The following SEMA3A variants were observed in gnomAD, a reference collection of about 807,000 sequenced individuals.
SEMA3A encodes the protein semaphorin-3A.
A neutral mutation model predicts 97.9 loss-of-function variants in SEMA3A; 29 were observed. The observed-to-expected ratio is 0.30, with a 90% CI of 0.22 to 0.40. The LOEUF (loss-of-function observed/expected upper bound fraction) is 0.40, where lower values mean the gene tolerates loss of function less well. SEMA3A is among the 10% of genes least tolerant of loss of function. The pLI, the probability that SEMA3A is intolerant of heterozygous loss-of-function variation, is 1.00. For synonymous variants in SEMA3A, 321 were observed against 323.7 expected (o/e 0.99, Z 0.09); for missense variants, 763 against 951.3 (o/e 0.80, Z 2.60).
chr7:83,961,810 T>A lies in SEMA3A; in HGVS notation c.1877A>T (p.His626Leu), dbSNP rs752800188. ...AAGGCCTTGATCTGTCCTGATGATATGATCATCCACTCTGATCTAGCAGGT... is the reference window on the plus strand; with the variant it reads ...AAGGCCTTGATCTGTCCTGATGATAAGATCATCCACTCTGATCTAGCAGGT... Reference protein sequence around the residue: ...ERKEEIRVDDHIIRTDQGLLL... With the variant: ...ERKEEIRVDDLIIRTDQGLLL... The change falls in exon 17 of 17, where the codon CAT becomes CTT. Residue 626 changes from histidine (H) to leucine (L), a missense_variant. Physicochemically the swap from His to Leu is moderately conservative, Grantham distance 99 (BLOSUM62 -3). Coordinates refer to ENST00000265362, the MANE Select transcript of SEMA3A (RefSeq NM_006080.3). 4 of 1,611,740 alleles carry A rather than the reference T, an allele frequency of 2.5e-6. No homozygotes were observed. The highest frequency in any genetic ancestry group is 3.4e-6 in the Non-Finnish European group (4 of 1,178,046).
At chr7:84,265,532 T>G (rs1799971658) in intron 3 of SEMA3A, among the ~76,000 whole-genome samples, 1 of 147,630 alleles carries the variant, frequency 6.8e-6, no homozygotes, top group African/African-American at 2.5e-5. Flanking sequence ...ATTTTATATA[T>G]TATATATTTT....
chr7:84,278,780 A>G (rs574535402), intron 3 of SEMA3A, among the ~76,000 whole-genome samples: 1 of 152,216 alleles, frequency 6.6e-6, no homozygotes, highest in East Asian at 1.9e-4. Context: ...GGATGGTGCC[A>G]AACCATTCAT....
intron 1 of SEMA3A, among the ~76,000 whole-genome samples, chr7:84,144,154 A>T (rs946083446): frequency 3.3e-5 from 5 of 151,786 alleles, no homozygotes; most frequent in Non-Finnish European, 5.9e-5. Context: ...AGATATGAAA[A>T]AATAATAATA....
chr7:84,228,133 T>C (rs1320761252), intron 3 of SEMA3A, among the ~76,000 whole-genome samples: 1 of 151,922 alleles, frequency 6.6e-6, no homozygotes, highest in East Asian at 1.9e-4. Flanking sequence ...AAATGGGTGA[T>C]GAAGCCAGAG....
chr7:84,094,850 C>T (rs1794708121), intron 4 of SEMA3A, among the ~76,000 whole-genome samples: 1 of 151,914 alleles, frequency 6.6e-6, no homozygotes, highest in Admixed American at 6.6e-5. Flanking sequence ...GTATATAGAA[C>T]TGATCCACTT....
At chr7:84,151,822 G>C (rs1443664666) in intron 1 of SEMA3A, among the ~76,000 whole-genome samples, 19 of 152,132 alleles carry the variant, frequency 1.2e-4, no homozygotes, top group Admixed American at 3.9e-4. Context: ...TATCCAGAAT[G>C]TACAACGAAC....
chr7:83,971,998 T>C (rs1217074243), intron 15 of SEMA3A, among the ~76,000 whole-genome samples: 3 of 149,562 alleles, frequency 2.0e-5, no homozygotes, highest in African/African-American at 7.4e-5. Flanking sequence ...TGTGTGTGTG[T>C]GTGTGTACAT....
chr7:83,995,193 C>G (rs1471274094), intron 12 of SEMA3A, among the ~76,000 whole-genome samples: 1 of 152,150 alleles, frequency 6.6e-6, no homozygotes, highest in Non-Finnish European at 1.5e-5. Context: ...GGTGCGCTCA[C>G]CCACTGACCT....
chr7:84,371,893 T>A (rs1023131973), exon 2 of SEMA3A: 84 of 152,172 alleles, frequency 5.5e-4, no homozygotes, highest in African/African-American at 1.9e-3. Flanking sequence ...ATGGTTTTTT[T>A]AAATATTCTG....
At chr7:84,441,035 G>A (rs1805260216) in intron 1 of SEMA3A, among the ~76,000 whole-genome samples, 1 of 152,130 alleles carries the variant, frequency 6.6e-6, no homozygotes, top group South Asian at 2.1e-4. Flanking sequence ...GCGCATGCCT[G>A]TAATCCCAGC....
At position 83,997,591 on chromosome 7, in the gene SEMA3A, TGGA is replaced by T. The variant is rs144951672; in HGVS notation, c.1452+4361_1452+4363del. 7.7e-3 allele frequency among the ~76,000 whole-genome samples: 1,166 copies of T among 152,298 alleles called. 14 individuals carry two copies. Among genetic ancestry groups the T allele is most frequent in the African/African-American group, 0.026 (1,087 of 41,564 alleles). On this transcript the variant is annotated intron_variant, in intron 12 of 16. Coordinates refer to ENST00000265362, the MANE Select transcript of SEMA3A (RefSeq NM_006080.3). ...TGACAATAATGCATAGCAGAGAATA[TGGA>T]GGAGAACTGAAATAGTTTTCTATCA...
intron 15 of SEMA3A, 94 bp from the exon 16 acceptor site, chr7:83,963,441 T>G: frequency 1.5e-6 from 2 of 1,362,304 alleles, no homozygotes; most frequent in Non-Finnish European, 2.0e-6. Context: ...GACAAGTTAT[T>G]GCCAAGTTGG....
rs372356162 is a variant in SEMA3A, at chr7:84,014,875, A to C, written c.668-524T>G. On this transcript the variant is annotated intron_variant, in intron 6 of 16. Coordinates refer to ENST00000265362, the MANE Select transcript of SEMA3A (RefSeq NM_006080.3). Reference sequence around the variant, plus strand: ...CATTCCACTAGATACACAGGAAAAAACCCTGGCCACCCTTGAATTCTCCCT... The same window carrying C: ...CATTCCACTAGATACACAGGAAAAACCCCTGGCCACCCTTGAATTCTCCCT... 3.2e-4 allele frequency among the ~76,000 whole-genome samples: 48 copies of C among 152,146 alleles called. 2 individuals are homozygous for C. The East Asian group carries it at 8.3e-3, about 26-fold the overall frequency.
chr7:84,449,892 C>T (rs192467499), intron 1 of SEMA3A, among the ~76,000 whole-genome samples: 64 of 152,218 alleles, frequency 4.2e-4, no homozygotes, highest in African/African-American at 1.3e-3. Flanking sequence ...AGTCCATCCA[C>T]GTTGTTGAAA....
In SEMA3A at chr7:83,961,517, G is replaced by A. The variant is rs2116246714; in HGVS notation, c.2170C>T (p.Gln724Ter). 1 of 1,614,040 alleles carries A rather than the reference G, an allele frequency of 6.2e-7. No homozygotes were observed. Among genetic ancestry groups the A allele is most frequent in the Non-Finnish European group, 8.5e-7 (1 of 1,179,954 alleles). ...TGTTTTCGGTCCCTTTTCCAAACTT[G>A]TTCACAGAACTCATCCATTGTGTTG... The part of the protein sequence containing the change: ...NLNTMDEFCE[Q>*]VWKRDRKQRR... The change falls in exon 17 of 17, where the codon CAA becomes TAA. Residue 724 changes from glutamine to a stop codon, truncating the protein, a stop_gained. Transcript: ENST00000265362. LOFTEE classifies it high-confidence loss of function.
At chr7:84,202,843 T>C (rs990103699) in intron 3 of SEMA3A, among the ~76,000 whole-genome samples, 9 of 152,164 alleles carry the variant, frequency 5.9e-5, no homozygotes, top group Admixed American at 3.9e-4. Context: ...TTTATCTCTT[T>C]TTTCCCTGCC....
chr7:84,307,622 C>T (rs1481119969), intron 2 of SEMA3A, among the ~76,000 whole-genome samples: 1 of 152,108 alleles, frequency 6.6e-6, no homozygotes, highest in Non-Finnish European at 1.5e-5. Context: ...CACTAACATG[C>T]TCTATTGATT....
intron 3 of SEMA3A, among the ~76,000 whole-genome samples, chr7:84,266,679 C>T (rs974823722): frequency 1.3e-5 from 2 of 152,152 alleles, no homozygotes; most frequent in East Asian, 1.9e-4. Context: ...GGAAGGAAAT[C>T]GCTTTAGCTG....
At position 83,961,655 on chromosome 7, in the gene SEMA3A, G is replaced by A. The variant is rs761271905; in HGVS notation, c.2032C>T (p.His678Tyr). Residue 678 changes from histidine (H) to tyrosine (Y), a missense_variant, in exon 17 of 17, where the codon CAT (histidine) becomes TAT (tyrosine). Physicochemically the swap from His to Tyr is moderately conservative, Grantham distance 83 (BLOSUM62 2). Transcript: ENST00000265362. ...GAGCCATCTCCATCATCATCTTTAT[G>A]AAGAAGTTCTTCCAAATGCTCTGTG... ...IDTEHLEELL[H>Y]KDDDGDGSKT... The A allele has an allele frequency of 1.1e-5, 17 of 1,613,676 alleles. No individual in the cohort carries two copies. In the East Asian group the frequency reaches 3.3e-4, roughly 32 times the overall value.
Sources: gnomAD v4.1 joint callset for allele counts (sites outside exome capture counted in the v4.1 genomes callset) on GRCh38, gnomAD v4.1.1 for gene constraint, MANE v1.5 for transcripts, NCBI Gene and HGNC (gene_info 2026-07-23, HGNC 2026-07-21) for gene names.